Variants in SMARCC2 observed in about 807,000 individuals in gnomAD.
SMARCC2 encodes SWI/SNF related BAF chromatin remodeling complex subunit C2, also known as SWI/SNF complex subunit SMARCC2.
SMARCC2 carries 15 observed loss-of-function variants against 151.3 expected under a neutral mutation model. The observed-to-expected ratio is 0.10, with a 90% CI of 0.07 to 0.15. SMARCC2 has a LOEUF of 0.15. SMARCC2 is among the 10% of genes least tolerant of loss of function. The pLI is 1.00. For missense variants in SMARCC2, 1,031 were observed against 1,599.7 expected, an observed-to-expected ratio of 0.64 and a Z score of 6.06; for synonymous variants, 590 against 609.5, an observed-to-expected ratio of 0.97 and a Z score of 0.47.
At chr12:56,186,107 G>T in intron 3 of SMARCC2, 48 bp downstream of exon 3, 1 of 1,286,038 alleles carries the variant, frequency 7.8e-7, no homozygotes, top group Non-Finnish European at 1.1e-6. Flanking sequence ...TCAAAAAGGG[G>T]GATTTCCTCT....
intron 5 of SMARCC2, 142 bp from the exon 6 acceptor site, chr12:56,184,386 G>A: frequency 1.6e-6 from 1 of 620,776 alleles, no homozygotes; most frequent in Non-Finnish European, 2.9e-6. Context: ...CACCAGCTAA[G>A]TGGCAGAGGG....
chr12:56,172,964 T>C lies in SMARCC2; in HGVS notation c.1716A>G (p.Pro572=). The C allele has an allele frequency of 6.2e-7, 1 of 1,613,960 alleles. No homozygotes were observed. The highest frequency in any genetic ancestry group is 1.1e-5 in the South Asian group (1 of 91,088). The change falls in exon 18 of 29, where the codon CCA becomes CCG. Residue 572 remains proline (P), a synonymous_variant. Coordinates refer to ENST00000550164, the MANE Select transcript of SMARCC2 (RefSeq NM_001330288.2). ...RKGKELDDLV[P]ETAKGKPELQ... ...GCTCTGGCTTGCCCTTAGCCGTCTC[T>C]GGCACCAGGTCATCCAGCTCTTTGC... is the stretch of plus-strand genomic sequence containing the variant.
At chr12:56,186,315 T>A in intron 2 of SMARCC2, 75 bp from the exon 3 acceptor site, 1 of 886,106 alleles carries the variant, frequency 1.1e-6, no homozygotes, top group Non-Finnish European at 1.9e-6. Flanking sequence ...AATCTAATAA[T>A]CCTTTCACAA....
chr12:56,183,991 G>A (rs1876758376), intron 6 of SMARCC2, 61 bp from the exon 7 acceptor site: 1 of 1,330,152 alleles, frequency 7.5e-7, no homozygotes, highest in Non-Finnish European at 1.1e-6. Context: ...AAAAAATACT[G>A]TACAAAAGCC....
chr12:56,175,574 G>A (rs1874780437), intron 15 of SMARCC2, among the ~76,000 whole-genome samples: 1 of 152,180 alleles, frequency 6.6e-6, no homozygotes, highest in Non-Finnish European at 1.5e-5. Flanking sequence ...TACTAGTATA[G>A]TGCCTGGCGC....
At chr12:56,180,408 C>CATGCT (rs1875948009) in intron 11 of SMARCC2, among the ~76,000 whole-genome samples, 1 of 149,376 alleles carries the variant, frequency 6.7e-6, no homozygotes. Flanking sequence ...CGTGCCCGGC[C>CATGCT]CTTTTTTTTT....
intron 17 of SMARCC2, among the ~76,000 whole-genome samples, chr12:56,173,317 G>C (rs912946590): frequency 5.3e-5 from 8 of 152,092 alleles, no homozygotes; most frequent in Non-Finnish European, 1.2e-4. Flanking sequence ...TTTTTGTAAT[G>C]GATGAAGTGG....
chr12:56,178,009 G>A lies in SMARCC2; in HGVS notation c.1382+13C>T. The A allele has an allele frequency of 6.3e-7, 1 of 1,576,496 alleles. No individual in the cohort carries two copies. The highest frequency in any genetic ancestry group is 8.7e-7 in the Non-Finnish European group (1 of 1,148,262). On this transcript the variant is annotated intron_variant, in intron 15 of 28. Transcript: ENST00000550164. ...GGAGGGAGAAGGAGAATCATGAGATGAGATTTCCTTACATCTCTGGAGTCT... is the reference window on the plus strand; with the variant it reads ...GGAGGGAGAAGGAGAATCATGAGATAAGATTTCCTTACATCTCTGGAGTCT...
intron 22 of SMARCC2, among the ~76,000 whole-genome samples, chr12:56,170,697 G>T (rs1043038800): frequency 6.7e-6 from 1 of 148,572 alleles, no homozygotes; most frequent in East Asian, 2.0e-4. Context: ...TTACAGGCAT[G>T]AGCCACTGCA....
At chr12:56,178,382 G>A (rs764443609) in intron 14 of SMARCC2, 22 bp downstream of exon 14, 8 of 1,613,726 alleles carry the variant, frequency 5.0e-6, no homozygotes, top group Non-Finnish European at 6.8e-6. Flanking sequence ...AGGACTCAGT[G>A]AGAAGTTGGG....
Position 56,185,277 on chromosome 12 carries a change from C to G in SMARCC2, c.318-166G>C, listed in dbSNP as rs1592324733. The G allele has an allele frequency of 6.7e-6, 4 of 599,402 alleles. No individual in the cohort carries two copies. The East Asian group carries it at 9.1e-5, about 14-fold the overall frequency. 37.1% of individuals were successfully genotyped at this position (599,402 alleles called of 1,614,324 possible). On this transcript the variant is annotated intron_variant, in intron 3 of 28. Coordinates refer to ENST00000550164, the MANE Select transcript of SMARCC2 (RefSeq NM_001330288.2). ...CACTGCAACCTCTGCCTCCCAGGTT[C>G]AAGCAATTCTCCTGTCTCAGCCTCC...
Position 56,162,383 on chromosome 12 carries a change from T to TAAAAAAAA in SMARCC2, c.*1298_*1305dup. ...ATGGAACTGAAAGCAAATTAATTTA[T>TAAAAAAAA]AAAAAAAAAAAAAAGAAAGAAAGAA... On this transcript the variant is annotated 3_prime_UTR_variant, in exon 29 of 29. Coordinates refer to ENST00000550164, the MANE Select transcript of SMARCC2 (RefSeq NM_001330288.2). The TAAAAAAAA allele has an allele frequency of 6.5e-6, 3 of 459,380 alleles. No homozygotes were observed. The highest frequency in any genetic ancestry group is 2.5e-5 in the South Asian group (1 of 39,498). The allele number at this position is 459,380 out of a possible 1,614,324, so 28.5% of individuals were successfully genotyped here.
intron 15 of SMARCC2, among the ~76,000 whole-genome samples, chr12:56,177,794 G>T (rs1403906434): frequency 6.6e-6 from 1 of 152,212 alleles, no homozygotes; most frequent in Non-Finnish European, 1.5e-5. Context: ...TACTTGTTAT[G>T]TATAGAACAT....
Position 56,167,909 on chromosome 12 carries a change from C to T in SMARCC2, c.2850+151G>A, listed in dbSNP as rs1447037383. 6 of 865,914 alleles carry T rather than the reference C, an allele frequency of 6.9e-6. 1 individual carries two copies. In the Admixed American group the frequency reaches 1.3e-4, roughly 19 times the overall value. The allele number at this position is 865,914 out of a possible 1,614,324, so 53.6% of individuals were successfully genotyped here. A position where few individuals can be genotyped will look rare whatever the true frequency, so the allele number is the denominator to read the frequency against. On this transcript the variant is annotated intron_variant, in intron 26 of 28. Coordinates refer to ENST00000550164, the MANE Select transcript of SMARCC2 (RefSeq NM_001330288.2). The stretch of plus-strand genomic sequence containing the variant: ...ACTGAAACACACACACACACACACA[C>T]ACTCAGGCTTTCCCCACTGTTGCTT...
intron 6 of SMARCC2, 79 bp downstream of exon 6, chr12:56,184,096 G>A (rs1259891663): frequency 5.3e-6 from 6 of 1,140,466 alleles, no homozygotes; most frequent in African/African-American, 1.5e-5. Flanking sequence ...GAGGAGCCCA[G>A]GTACTGAATG....
intron 25 of SMARCC2, among the ~76,000 whole-genome samples, chr12:56,169,326 C>T (rs1489114926): frequency 6.6e-6 from 1 of 152,172 alleles, no homozygotes; most frequent in Non-Finnish European, 1.5e-5. Context: ...CAAATACTGA[C>T]AGGGTTGAAA....
Position 56,163,692 on chromosome 12 carries a change from C to A in SMARCC2, c.3735G>T (p.Gln1245His). The A allele has an allele frequency of 6.7e-7, 1 of 1,495,552 alleles. No individual in the cohort carries two copies. The highest frequency in any genetic ancestry group is 8.9e-7 in the Non-Finnish European group (1 of 1,127,202). The allele number at this position is 1,495,552 out of a possible 1,614,324, so 92.6% of individuals were successfully genotyped here. Reference sequence around the variant, plus strand: ...GGAGAGATGTCTGGCTGGCTCCTCACTGTGGAGGTGGCACAGGGGTGACCG... The same window carrying A: ...GGAGAGATGTCTGGCTGGCTCCTCAATGTGGAGGTGGCACAGGGGTGACCG... ...PGTVTPVPPPQ is the reference protein window; with the variant it reads ...PGTVTPVPPPH Residue 1245 changes from glutamine (Q) to histidine (H), a missense_variant, in exon 29 of 29, where the codon CAG becomes CAT. Physicochemically the swap from Gln to His is conservative, Grantham distance 24. Transcript: ENST00000550164.
At chr12:56,176,766 G>C (rs1359015080) in intron 15 of SMARCC2, among the ~76,000 whole-genome samples, 1 of 150,052 alleles carries the variant, frequency 6.7e-6, no homozygotes, top group Non-Finnish European at 1.5e-5. Context: ...TCAGCCTCCA[G>C]ACTAGCTGGG....
rs760362591 is a variant in SMARCC2, at chr12:56,165,627, T to C, written c.2923A>G (p.Met975Val). ...FHMEQLKYAE[M>V]RARQQHFQQM... ...TGGAAGTGCTGCTGCCGAGCCCTCATCTCCGCATACTTCAGCTGCTCCATG... is the reference window on the plus strand; with the variant it reads ...TGGAAGTGCTGCTGCCGAGCCCTCACCTCCGCATACTTCAGCTGCTCCATG... The change falls in exon 27 of 29, where the codon ATG becomes GTG. Residue 975 changes from methionine to valine, a missense_variant. This residue lies in a region of SMARCC2 where 49 missense variants were observed against 134.8 expected (regional missense o/e 0.36). Coordinates refer to ENST00000550164, the MANE Select transcript of SMARCC2 (RefSeq NM_001330288.2). 6.2e-7 allele frequency: 1 copy of C among 1,613,638 alleles called. No individual in the cohort carries two copies. The highest frequency in any genetic ancestry group is 8.5e-7 in the Non-Finnish European group (1 of 1,180,032).
Sources: allele counts gnomAD v4.1 joint callset (sites outside exome capture counted in the v4.1 genomes callset), GRCh38; gene constraint gnomAD v4.1.1; regional missense constraint gnomAD v4.1.1; transcripts MANE v1.5; gene names NCBI Gene and HGNC (gene_info 2026-07-23, HGNC 2026-07-21).